The following ATPSCKMT variants were observed in gnomAD, a reference collection of about 807,000 sequenced individuals.
ATPSCKMT encodes the protein ATP synthase c subunit lysine N-methyltransferase.
Under a neutral mutation model 24.3 loss-of-function variants are expected in ATPSCKMT, and 24 were observed. The observed-to-expected ratio is 0.99, with a 90% CI of 0.71 to 1.39. The LOEUF (loss-of-function observed/expected upper bound fraction) is 1.39. ATPSCKMT is among the 40% of genes most tolerant of loss of function. ATPSCKMT has a pLI of 0.00. For missense variants in ATPSCKMT, 311 were observed against 298.4 expected (o/e 1.04, Z -0.31); for synonymous variants, 95 against 110.5 (o/e 0.86, Z 0.88).
chr5:10,247,295 T>C (rs1377195048), intron 1 of ATPSCKMT, among the ~76,000 whole-genome samples: 2 of 152,196 alleles, frequency 1.3e-5, no homozygotes, highest in Non-Finnish European at 2.9e-5. Context: ...ACATCCAATA[T>C]AGGATGTACA....
At chr5:10,233,170 C>T (rs1421005036) in intron 4 of ATPSCKMT, among the ~76,000 whole-genome samples, 1 of 152,162 alleles carries the variant, frequency 6.6e-6, no homozygotes, top group African/African-American at 2.4e-5. Flanking sequence ...TCTACCTGGG[C>T]ATCAGCAGGG....
chr5:10,248,536 A>T (rs1349122646), intron 1 of ATPSCKMT: 1 of 152,220 alleles, frequency 6.6e-6, no homozygotes, highest in African/African-American at 2.4e-5. Flanking sequence ...ATCACCAACC[A>T]TCCCATGACA....
chr5:10,241,456 T>A (rs936657838), intron 1 of ATPSCKMT, among the ~76,000 whole-genome samples: 5 of 152,160 alleles, frequency 3.3e-5, no homozygotes, highest in African/African-American at 1.2e-4. Flanking sequence ...TGGGTCACCC[T>A]CAGGGCAGCC....
intron 4 of ATPSCKMT, among the ~76,000 whole-genome samples, chr5:10,230,733 A>G (rs1246272485): frequency 6.6e-6 from 1 of 152,034 alleles, no homozygotes; most frequent in Non-Finnish European, 1.5e-5. Flanking sequence ...ACACACACAC[A>G]TCCCGCCCCC....
At chr5:10,237,516 A>G (rs1744427389) in intron 2 of ATPSCKMT, among the ~76,000 whole-genome samples, 1 of 152,306 alleles carries the variant, frequency 6.6e-6, no homozygotes, top group South Asian at 2.1e-4. Flanking sequence ...CATGACAGTG[A>G]GTAAGTCTCA....
At chr5:10,248,063 A>C (rs2548552) in intron 1 of ATPSCKMT, among the ~76,000 whole-genome samples, 17 of 152,130 alleles carry the variant, frequency 1.1e-4, no homozygotes, top group Admixed American at 6.5e-4. Context: ...GGAGCCTGTT[A>C]GGAATAGTAA....
At chr5:10,235,641 A>G (rs7710415) in intron 3 of ATPSCKMT, among the ~76,000 whole-genome samples, 26,166 of 152,170 alleles carry the variant, frequency 0.17, 3,735 homozygotes, top group East Asian at 0.76. Context: ...CTATACCACC[A>G]GCTTCACCAG....
intron 2 of ATPSCKMT, among the ~76,000 whole-genome samples, chr5:10,238,056 T>C (rs1433120911): frequency 1.3e-5 from 2 of 152,206 alleles, no homozygotes; most frequent in Non-Finnish European, 2.9e-5. Context: ...CTAATAAATT[T>C]CTTAGAAACA....
intron 1 of ATPSCKMT, among the ~76,000 whole-genome samples, chr5:10,243,224 G>A (rs992076523): frequency 1.4e-4 from 22 of 152,126 alleles, no homozygotes; most frequent in African/African-American, 4.6e-4. Context: ...AGTGGCTCGC[G>A]CCTGTAATCT....
chr5:10,243,344 C>T (rs1186645302), intron 1 of ATPSCKMT, among the ~76,000 whole-genome samples: 1 of 152,122 alleles, frequency 6.6e-6, no homozygotes, highest in East Asian at 1.9e-4. Context: ...ATTAGCCAGG[C>T]GTGGTGGCAC....
chr5:10,231,378 T>C (rs1367188138), intron 4 of ATPSCKMT, among the ~76,000 whole-genome samples: 1 of 151,980 alleles, frequency 6.6e-6, no homozygotes, highest in Non-Finnish European at 1.5e-5. Context: ...TACCCACCCC[T>C]GCCTCCACAT....
intron 2 of ATPSCKMT, among the ~76,000 whole-genome samples, chr5:10,237,821 A>G (rs1030521478): frequency 6.6e-6 from 1 of 151,892 alleles, no homozygotes; most frequent in Non-Finnish European, 1.5e-5. Flanking sequence ...ATCTTGGCTC[A>G]CTTCAGCCTC....
At position 10,241,843 on chromosome 5, in the gene ATPSCKMT, A is replaced by G. The variant is rs540609377; in HGVS notation, c.17-2487T>C. The stretch of plus-strand genomic sequence containing the variant: ...TGGTTTCCCACTGTATATAAAAGTT[A>G]TGTTTACACTATACTGGAGTCTATT... On this transcript the variant is annotated intron_variant, in intron 1 of 4. Transcript: ENST00000511437. 1.8e-4 allele frequency among the ~76,000 whole-genome samples: 27 copies of G among 152,364 alleles called. No homozygotes were observed. The East Asian group carries it at 4.4e-3, about 25-fold the overall frequency.
At position 10,226,274 on chromosome 5, in the gene ATPSCKMT, T is replaced by TTGAA. The variant is rs1398755769; in HGVS notation, c.*1163_*1166dup. The TTGAA allele has an allele frequency of 2.6e-5, 4 of 152,236 alleles. No homozygotes were observed. Among genetic ancestry groups the TTGAA allele is most frequent in the African/African-American group, 9.6e-5 (4 of 41,462 alleles). The allele number at this position is 152,236 out of a possible 1,614,324, so 9.4% of individuals were successfully genotyped here. A position where few individuals can be genotyped will look rare whatever the true frequency, so the allele number is the denominator to read the frequency against. The stretch of plus-strand genomic sequence containing the variant: ...ACAGTAGATACTGAATACATATTTG[T>TTGAA]TGAATGAATGAATGTGTCCCCAGAT... On this transcript the variant is annotated 3_prime_UTR_variant, in exon 5 of 5. Transcript: ENST00000511437.
intron 1 of ATPSCKMT, among the ~76,000 whole-genome samples, chr5:10,241,943 G>T (rs951049810): frequency 2.0e-5 from 3 of 152,060 alleles, no homozygotes; most frequent in Non-Finnish European, 4.4e-5. Flanking sequence ...TGACATTTTG[G>T]TCTGATTTAT....
chr5:10,231,928 C>T (rs1744155823), intron 4 of ATPSCKMT, among the ~76,000 whole-genome samples: 1 of 152,234 alleles, frequency 6.6e-6, no homozygotes, highest in Non-Finnish European at 1.5e-5. Flanking sequence ...AAAAGCCAAG[C>T]ATGGTGGCTC....
At chr5:10,233,699 T>C (rs1161575535) in intron 4 of ATPSCKMT, among the ~76,000 whole-genome samples, 1 of 152,108 alleles carries the variant, frequency 6.6e-6, no homozygotes, top group South Asian at 2.1e-4. Flanking sequence ...CTGGGACAAG[T>C]AATCCTGATT....
At chr5:10,249,086 G>A (rs1051786423) in intron 1 of ATPSCKMT, among the ~76,000 whole-genome samples, 1 of 151,924 alleles carries the variant, frequency 6.6e-6, no homozygotes, top group South Asian at 2.1e-4. Context: ...TGGCCACTAC[G>A]GCGTTAACAC....
chr5:10,245,962 A>T (rs988510971), intron 1 of ATPSCKMT, among the ~76,000 whole-genome samples: 1 of 152,164 alleles, frequency 6.6e-6, no homozygotes, highest in Non-Finnish European at 1.5e-5. Context: ...TGCTTAAAGT[A>T]TATAATTTAA....
Sources: allele counts gnomAD v4.1 joint callset (sites outside exome capture counted in the v4.1 genomes callset), GRCh38; gene constraint gnomAD v4.1.1; transcripts MANE v1.5; gene names NCBI Gene and HGNC (gene_info 2026-07-23, HGNC 2026-07-21).